Variants in ERCC2 observed in about 807,000 individuals in gnomAD.
ERCC2 encodes the protein general transcription and DNA repair factor IIH helicase subunit XPD.
Under a neutral mutation model 99.4 loss-of-function variants are expected in ERCC2, and 90 were observed. The observed-to-expected ratio is 0.91, with a 90% confidence interval of 0.76 to 1.08. The LOEUF is 1.08. Ranked by LOEUF, ERCC2 falls within the 50% of genes least tolerant of loss-of-function variation. The pLI is 0.00. For missense variants in ERCC2, 993 were observed against 1,038.1 expected (o/e 0.96, Z 0.60); for synonymous variants, 497 against 432.4 (o/e 1.15, Z -1.85).
intron 19 of ERCC2, 74 bp downstream of exon 19, chr19:45,353,009 C>A: frequency 6.7e-7 from 1 of 1,498,528 alleles, no homozygotes; most frequent in South Asian, 1.1e-5. Context: ...CCCGCGGGAG[C>A]AGACAGCAGA....
rs1314709345 is a variant in ERCC2, at chr19:45,351,407, G to C, written c.*222C>G. 6.3e-7 allele frequency: 1 copy of C among 1,599,874 alleles called. No individual in the cohort carries two copies. The highest frequency in any genetic ancestry group is 8.5e-7 in the Non-Finnish European group (1 of 1,176,392). ...AGCTTCTTGGGAACAGTGCAGGAGGGATGGGCTGGTGGGGTGAGAGGGGGT... is the reference window on the plus strand; with the variant it reads ...AGCTTCTTGGGAACAGTGCAGGAGGCATGGGCTGGTGGGGTGAGAGGGGGT... On this transcript the variant is annotated 3_prime_UTR_variant, in exon 23 of 23. Coordinates refer to ENST00000391945, the MANE Select transcript of ERCC2 (RefSeq NM_000400.4).
intron 12 of ERCC2, chr19:45,359,062 A>G (rs1345917060): frequency 1.7e-6 from 1 of 604,716 alleles, no homozygotes; most frequent in Non-Finnish European, 3.0e-6. Flanking sequence ...TAGGAGACAG[A>G]CTTGTCCTCA....
chr19:45,352,223 G>C lies in ERCC2; in HGVS notation c.2176C>G (p.Gln726Glu), dbSNP rs121913017. The change falls in exon 22 of 23, where the codon CAG (glutamine) becomes GAG (glutamate). Residue 726 changes from glutamine (Q) to glutamate (E), a missense_variant. Physicochemically the swap from Gln to Glu is conservative, Grantham distance 29 (BLOSUM62 2). Around this residue, in one of 3 missense-constraint regions of ERCC2, gnomAD observed 909 missense variants for 930.8 expected, o/e 0.98. Coordinates refer to ENST00000391945, the MANE Select transcript of ERCC2 (RefSeq NM_000400.4). Reference sequence around the variant, plus strand: ...GCAGGCCTCACCCGGTGGAAGGGCTGTGCCATCTGCCGCAGGAAGTACTTG... The same window carrying C: ...GCAGGCCTCACCCGGTGGAAGGGCTCTGCCATCTGCCGCAGGAAGTACTTG... ...VAKYFLRQMA[Q>E]PFHREDQLGL... 13 of 1,613,866 alleles carry C rather than the reference G, an allele frequency of 8.1e-6. No homozygotes were observed. The highest frequency in any genetic ancestry group is 1.0e-5 in the Non-Finnish European group (12 of 1,179,992).
At chr19:45,351,747 G>GGGGGGCACTGTTGGGC (rs1971791608) in intron 22 of ERCC2, 26 bp from the exon 23 acceptor site, 6 of 1,608,476 alleles carry the variant, frequency 3.7e-6, no homozygotes, top group East Asian at 2.2e-5. Flanking sequence ...GAAAGGGAGA[G>GGGGGGCACTGTTGGGC]GGGGGCACTG....
At chr19:45,355,426 G>C (rs548043673) in intron 16 of ERCC2, among the ~76,000 whole-genome samples, 1 of 152,338 alleles carries the variant, frequency 6.6e-6, no homozygotes, top group East Asian at 1.9e-4. Flanking sequence ...TGTGACCACT[G>C]TGATCCCACC....
intron 12 of ERCC2, chr19:45,358,148 T>A: frequency 4.0e-6 from 1 of 250,452 alleles, no homozygotes; most frequent in South Asian, 5.1e-5. Context: ...TGGGTTCAAG[T>A]GATTGATTCT....
intron 22 of ERCC2, 21 bp from the exon 23 acceptor site, chr19:45,351,742 G>A (rs954498765): frequency 2.5e-6 from 4 of 1,610,920 alleles, no homozygotes; most frequent in Non-Finnish European, 3.4e-6. Context: ...CAGAGGAAAG[G>A]GAGAGGGGGG....
At chr19:45,357,146 A>G in intron 15 of ERCC2, 124 bp downstream of exon 15, 1 of 692,236 alleles carries the variant, frequency 1.4e-6, no homozygotes, top group South Asian at 1.7e-5. Flanking sequence ...GTCTGTCTGA[A>G]TCCCGAACCC....
intron 5 of ERCC2, among the ~76,000 whole-genome samples, chr19:45,365,660 G>A (rs531142231): frequency 1.3e-5 from 2 of 149,468 alleles, no homozygotes; most frequent in Non-Finnish European, 1.5e-5. Flanking sequence ...GTGTGGTGGT[G>A]CACACCTGGA....
intron 17 of ERCC2, 111 bp downstream of exon 17, chr19:45,354,619 G>C: frequency 6.9e-7 from 1 of 1,441,392 alleles, no homozygotes; most frequent in South Asian, 1.1e-5. Flanking sequence ...ACACTCTCCT[G>C]TCACACAGGA....
rs555454332 is a variant in ERCC2, at chr19:45,352,102, GCAGGAGGA to G, written c.2190+99_2190+106del. The G allele has an allele frequency of 1.8e-4, 235 of 1,281,584 alleles. No homozygotes were observed. The African/African-American group carries it at 2.7e-3, about 15-fold the overall frequency. The allele number at this position is 1,281,584 out of a possible 1,614,324, so 79.4% of individuals were successfully genotyped here. ...CACGATAAACTTCTCTTTGCTGAGG[GCAGGAGGA>G]CAGGCAGGCTGAGGGTGGGGAGTGG... is the stretch of plus-strand genomic sequence containing the variant. On this transcript the variant is annotated intron_variant, in intron 22 of 22. Transcript: ENST00000391945.
chr19:45,351,099 A>AGTGGTGGAGTCAGCAG lies in ERCC2; in HGVS notation c.*514_*529dup. 6.2e-7 allele frequency: 1 copy of AGTGGTGGAGTCAGCAG among 1,610,328 alleles called. No individual in the cohort carries two copies. The highest frequency in any genetic ancestry group is 8.5e-7 in the Non-Finnish European group (1 of 1,178,078). ...GAGGCAAAGGCAGGGCGGTCGGGCC[A>AGTGGTGGAGTCAGCAG]GTGGTGGAGTCAGCAGGTGGTGGGT... On this transcript the variant is annotated 3_prime_UTR_variant, in exon 23 of 23. Transcript: ENST00000391945.
rs898198320 is a variant in ERCC2, at chr19:45,359,080, A to G, written c.1238-1381T>C. ...GAGACAGACTTGTCCTCAGATAGTGATGACTGAGAGTGGGCAGTGCTGGGA... is the reference window on the plus strand; with the variant it reads ...GAGACAGACTTGTCCTCAGATAGTGGTGACTGAGAGTGGGCAGTGCTGGGA... On this transcript the variant is annotated intron_variant, in intron 12 of 22. Transcript: ENST00000391945. The G allele has an allele frequency of 3.5e-5, 21 of 597,950 alleles. 1 individual carries two copies. In the South Asian group the frequency reaches 4.3e-4, roughly 12 times the overall value. The allele number at this position is 597,950 out of a possible 1,614,324, so 37.0% of individuals were successfully genotyped here.
intron 16 of ERCC2, 152 bp downstream of exon 16, chr19:45,355,513 G>A: frequency 1.3e-6 from 1 of 768,650 alleles, no homozygotes; most frequent in Non-Finnish European, 2.3e-6. Flanking sequence ...GCCCCTACCA[G>A]CTCACAGTGG....
rs1971777627 is a variant in ERCC2, at chr19:45,351,544, CCTT to C, written c.*82_*84del. The C allele has an allele frequency of 6.2e-7, 1 of 1,605,926 alleles. No individual in the cohort carries two copies. On this transcript the variant is annotated 3_prime_UTR_variant, in exon 23 of 23. Transcript: ENST00000391945. ...AGAAATGTCACCTGACTTCATAAGACCTTCTAGCACCACCGCCGCTGGGAACCA... is the reference window on the plus strand; with the variant it reads ...AGAAATGTCACCTGACTTCATAAGACCTAGCACCACCGCCGCTGGGAACCA...
Position 45,357,488 on chromosome 19 carries a change from T to C in ERCC2, c.1363A>G (p.Ile455Val), listed in dbSNP as rs754585006. 17 of 1,613,958 alleles carry C rather than the reference T, an allele frequency of 1.1e-5. 1 individual carries two copies. The highest frequency in any genetic ancestry group is 6.6e-5 in the South Asian group (6 of 91,088). The part of the protein sequence containing the change: ...KPVFERFQSV[I>V]ITSGTLSPLD... ...AGGGTCCTTACCCCAGATGTGATGA[T>C]GACAGACTGGAAACGCTCAAATACG... The change falls in exon 14 of 23, where the codon ATC (isoleucine) becomes GTC (valine). Residue 455 changes from isoleucine (I) to valine (V), a missense_variant. Coordinates refer to ENST00000391945, the MANE Select transcript of ERCC2 (RefSeq NM_000400.4).
intron 1 of ERCC2, 21 bp downstream of exon 1, chr19:45,370,515 G>A: frequency 1.3e-6 from 2 of 1,536,184 alleles, no homozygotes; most frequent in Non-Finnish European, 1.8e-6. Flanking sequence ...TAGCGAGCGC[G>A]ACCCCCAGCC....
At chr19:45,368,226 C>T (rs1213537631) in intron 5 of ERCC2, among the ~76,000 whole-genome samples, 1 of 152,090 alleles carries the variant, frequency 6.6e-6, no homozygotes, top group Non-Finnish European at 1.5e-5. Flanking sequence ...CTAAGGGCAT[C>T]GGCTGCAACA....
intron 5 of ERCC2, 131 bp from the exon 6 acceptor site, chr19:45,365,289 A>G: frequency 8.3e-6 from 6 of 723,984 alleles, no homozygotes; most frequent in Non-Finnish European, 1.5e-5. Flanking sequence ...ATTATTAGTT[A>G]AGACGCGTGG....
Sources: gnomAD v4.1 joint callset for allele counts (sites outside exome capture counted in the v4.1 genomes callset) on GRCh38, gnomAD v4.1.1 for gene constraint, gnomAD v4.1.1 regional missense constraint, MANE v1.5 for transcripts, NCBI Gene and HGNC (gene_info 2026-07-23, HGNC 2026-07-21) for gene names.